THSD7A: variants seen among roughly 807,000 people sequenced by gnomAD.
THSD7A encodes thrombospondin type-1 domain-containing protein 7A.
In THSD7A, 96 loss-of-function variants were observed where a neutral mutation model predicts 231.3. That is an observed-to-expected ratio of 0.41 (90% CI 0.35 to 0.49). The LOEUF (loss-of-function observed/expected upper bound fraction) is 0.49, where lower values mean the gene tolerates loss of function less well. Among genes scored for constraint, THSD7A ranks in the 20% least tolerant of loss-of-function variants. THSD7A has a pLI of 0.05. For missense variants in THSD7A, 2,290 were observed against 2,070.2 expected (o/e 1.11, Z -2.06); for synonymous variants, 940 against 743.3 (o/e 1.26, Z -4.30).
intron 1 of THSD7A, among the ~76,000 whole-genome samples, chr7:11,758,401 A>G (rs568713906): frequency 4.6e-5 from 7 of 152,082 alleles, no homozygotes; most frequent in African/African-American, 1.7e-4. Context: ...ACTCAGATGC[A>G]GAAAAAAATA....
chr7:11,722,030 T>A (rs1781372505), intron 1 of THSD7A, among the ~76,000 whole-genome samples: 1 of 151,890 alleles, frequency 6.6e-6, no homozygotes, highest in African/African-American at 2.4e-5. Flanking sequence ...AACTTTTCAC[T>A]CATTGTGAAA....
intron 4 of THSD7A, among the ~76,000 whole-genome samples, chr7:11,561,090 G>C (rs1050758190): frequency 1.3e-5 from 2 of 152,134 alleles, no homozygotes; most frequent in East Asian, 3.9e-4. Context: ...ATAGATTTCA[G>C]ATTCACATCC....
chr7:11,767,891 A>G (rs1351299815), intron 1 of THSD7A, among the ~76,000 whole-genome samples: 3 of 152,196 alleles, frequency 2.0e-5, no homozygotes, highest in Non-Finnish European at 4.4e-5. Flanking sequence ...CATTCAAGGA[A>G]TAAGGACTTA....
Position 11,729,020 on chromosome 7 carries a change from G to A in THSD7A, c.191-92059C>T, listed in dbSNP as rs192426436. 7.2e-5 allele frequency among the ~76,000 whole-genome samples: 11 copies of A among 151,736 alleles called. No homozygotes were observed. The East Asian group carries it at 2.1e-3, about 30-fold the overall frequency. On this transcript the variant is annotated intron_variant, in intron 1 of 27. Transcript: ENST00000423059. ...TAAAAGATGAAACCATATCATTAAA[G>A]AAACATTTCTTCTGCCCTGGTCAAA...
chr7:11,441,711 C>T (rs1196488762), intron 13 of THSD7A, among the ~76,000 whole-genome samples: 2 of 151,962 alleles, frequency 1.3e-5, no homozygotes, highest in Non-Finnish European at 2.9e-5. Context: ...GCATCATCCT[C>T]AGCAAACTAA....
intron 9 of THSD7A, among the ~76,000 whole-genome samples, chr7:11,465,921 A>G (rs1785686207): frequency 6.6e-6 from 1 of 152,184 alleles, no homozygotes; most frequent in South Asian, 2.1e-4. Flanking sequence ...AAAATTTACA[A>G]AAATTTGAAA....
chr7:11,652,067 C>G (rs1282358121), intron 1 of THSD7A, among the ~76,000 whole-genome samples: 3 of 151,840 alleles, frequency 2.0e-5, no homozygotes, highest in African/African-American at 7.3e-5. Context: ...CATTTTTGCC[C>G]ATACTCTGGT....
chr7:11,820,938 T>C, intron 1 of THSD7A: 1 of 993,464 alleles, frequency 1.0e-6, no homozygotes, highest in Non-Finnish European at 1.5e-6. Context: ...AAGATCTCTC[T>C]CCTTATGTTT....
chr7:11,525,917 C>A (rs1303834680), intron 6 of THSD7A, among the ~76,000 whole-genome samples: 2 of 152,158 alleles, frequency 1.3e-5, no homozygotes, highest in Admixed American at 1.3e-4. Flanking sequence ...ATCAGCAGCA[C>A]TGGGTGAAAA....
At chr7:11,475,013 G>T (rs1786099294) in intron 7 of THSD7A, among the ~76,000 whole-genome samples, 1 of 152,092 alleles carries the variant, frequency 6.6e-6, no homozygotes, top group African/African-American at 2.4e-5. Context: ...AAAGAGAATA[G>T]TATCTAAGTA....
At chr7:11,492,068 T>G (rs894724068) in intron 6 of THSD7A, among the ~76,000 whole-genome samples, 7 of 152,060 alleles carry the variant, frequency 4.6e-5, no homozygotes, top group Non-Finnish European at 7.4e-5. Flanking sequence ...GTTCTCCTGA[T>G]CAAGCATGCA....
intron 6 of THSD7A, among the ~76,000 whole-genome samples, chr7:11,502,251 G>T (rs1787366936): frequency 6.6e-6 from 1 of 152,100 alleles, no homozygotes; most frequent in Admixed American, 6.6e-5. Context: ...TCTTCCAAAA[G>T]GATTAGGAGG....
chr7:11,424,361 CAG>C (rs1397858645), intron 16 of THSD7A, among the ~76,000 whole-genome samples: 1 of 152,084 alleles, frequency 6.6e-6, no homozygotes, highest in Non-Finnish European at 1.5e-5. Context: ...GAGTTTAAAA[CAG>C]ATTATTTTAG....
chr7:11,591,709 G>C (rs1324013052), intron 3 of THSD7A, among the ~76,000 whole-genome samples: 1 of 152,114 alleles, frequency 6.6e-6, no homozygotes, highest in Non-Finnish European at 1.5e-5. Flanking sequence ...AACAACACCT[G>C]ACATTAATTT....
chr7:11,739,163 A>G (rs1474761529), intron 1 of THSD7A, among the ~76,000 whole-genome samples: 1 of 152,040 alleles, frequency 6.6e-6, no homozygotes, highest in African/African-American at 2.4e-5. Flanking sequence ...GTAATAGCAT[A>G]AGGAAAAGTG....
intron 8 of THSD7A, among the ~76,000 whole-genome samples, chr7:11,470,959 T>C (rs1785914377): frequency 6.6e-6 from 1 of 151,910 alleles, no homozygotes; most frequent in Non-Finnish European, 1.5e-5. Flanking sequence ...CAAAATATAC[T>C]TAGTATATAA....
At chr7:11,476,357 ACACAC>A (rs1786179581) in intron 7 of THSD7A, among the ~76,000 whole-genome samples, 1 of 148,722 alleles carries the variant, frequency 6.7e-6, no homozygotes, top group Admixed American at 6.6e-5. Flanking sequence ...ACACACACAC[ACACAC>A]CATTTTTTTA....
intron 2 of THSD7A, among the ~76,000 whole-genome samples, chr7:11,624,892 A>G (rs1781430339): frequency 6.6e-6 from 1 of 152,098 alleles, no homozygotes; most frequent in East Asian, 1.9e-4. Flanking sequence ...TCCTTCACCT[A>G]TTTTGTATTT....
At chr7:11,827,934 G>A (rs1785078529) in intron 1 of THSD7A, among the ~76,000 whole-genome samples, 1 of 152,032 alleles carries the variant, frequency 6.6e-6, no homozygotes, top group African/African-American at 2.4e-5. Flanking sequence ...ACTTTCCCTG[G>A]AAGGCACTGT....
Sources: gnomAD v4.1 joint callset for allele counts (sites outside exome capture counted in the v4.1 genomes callset) on GRCh38, gnomAD v4.1.1 for gene constraint, MANE v1.5 for transcripts, NCBI Gene and HGNC (gene_info 2026-07-23, HGNC 2026-07-21) for gene names.